Variants in ERC2 observed in about 807,000 individuals in gnomAD.
The protein encoded by ERC2 is ELKS/RAB6-interacting/CAST family member 2.
Under a neutral mutation model 114.8 loss-of-function variants are expected in ERC2, and 42 were observed. That is an observed-to-expected ratio of 0.37 (90% confidence interval 0.29 to 0.47). The LOEUF (loss-of-function observed/expected upper bound fraction) is 0.47. Ranked by LOEUF, ERC2 falls within the 20% of genes least tolerant of loss-of-function variation. The probability of loss-of-function intolerance (pLI) is 0.99; values close to 1 mark genes in which losing one functional copy is unlikely to be tolerated. For synonymous variants in ERC2, 454 were observed against 425.5 expected (o/e 1.07, Z -0.82); for missense variants, 939 against 1,150.7 (o/e 0.82, Z 2.66).
At chr3:55,718,577 C>T (rs1207931919) in intron 15 of ERC2, among the ~76,000 whole-genome samples, 1 of 152,114 alleles carries the variant, frequency 6.6e-6, no homozygotes, top group African/African-American at 2.4e-5. Flanking sequence ...ATGTGGGTGA[C>T]CTGGTAAAGG....
Position 55,510,427 on chromosome 3 carries a change from C to G in ERC2, c.*889G>C, listed in dbSNP as rs1415350489. The G allele has an allele frequency of 6.6e-6, 1 of 152,374 alleles. No homozygotes were observed. The highest frequency in any genetic ancestry group is 1.5e-5 in the Non-Finnish European group (1 of 68,034). The allele number at this position is 152,374 out of a possible 1,614,324, so 9.4% of individuals were successfully genotyped here. On this transcript the variant is annotated 3_prime_UTR_variant, in exon 18 of 18. Coordinates refer to ENST00000288221, the MANE Select transcript of ERC2 (RefSeq NM_015576.3). ...AGTCTGAGGCTTGGTGGCGTCCCCA[C>G]CGTGGGGATGTGCAGAACACAGGGA...
intron 6 of ERC2, among the ~76,000 whole-genome samples, chr3:56,128,099 A>T (rs1316890291): frequency 1.3e-5 from 2 of 150,742 alleles, no homozygotes; most frequent in African/African-American, 2.5e-5. Flanking sequence ...TTTAAATTTT[A>T]AAAAAAAGAT....
chr3:55,703,603 G>T (rs2063339907), intron 15 of ERC2, among the ~76,000 whole-genome samples: 1 of 152,248 alleles, frequency 6.6e-6, no homozygotes, highest in South Asian at 2.1e-4. Flanking sequence ...AATACTATGT[G>T]TGGATTGCCC....
At chr3:56,338,800 C>A (rs1330272921) in intron 2 of ERC2, among the ~76,000 whole-genome samples, 2 of 152,186 alleles carry the variant, frequency 1.3e-5, no homozygotes, top group African/African-American at 4.8e-5. Flanking sequence ...GAGAGAAGCA[C>A]TTTCTCCCTA....
intron 17 of ERC2, among the ~76,000 whole-genome samples, chr3:55,597,565 C>T (rs544245896): frequency 7.9e-5 from 12 of 152,248 alleles, no homozygotes; most frequent in East Asian, 3.9e-4. Context: ...ACCTTAAGTC[C>T]GGTAGTTCTT....
intron 3 of ERC2, among the ~76,000 whole-genome samples, chr3:56,196,206 C>T (rs1575778874): frequency 6.6e-6 from 1 of 152,196 alleles, no homozygotes; most frequent in East Asian, 1.9e-4. Context: ...AGGGGATGGG[C>T]ATGCTTCACC....
chr3:56,196,418 G>C (rs1020861043), intron 3 of ERC2, among the ~76,000 whole-genome samples: 3 of 151,748 alleles, frequency 2.0e-5, no homozygotes, highest in African/African-American at 7.3e-5. Context: ...TCAAGTCCAG[G>C]CAATGGTATC....
intron 15 of ERC2, among the ~76,000 whole-genome samples, chr3:55,713,184 G>GTA (rs1426543405): frequency 4.8e-5 from 7 of 145,154 alleles, no homozygotes; most frequent in Non-Finnish European, 1.0e-4. Context: ...TTAATTCTAA[G>GTA]TATATACTTC....
intron 7 of ERC2, among the ~76,000 whole-genome samples, chr3:56,042,479 C>T (rs1455654261): frequency 6.6e-6 from 1 of 152,148 alleles, no homozygotes; most frequent in African/African-American, 2.4e-5. Flanking sequence ...CTGGATAAGG[C>T]TTGGCTCATA....
chr3:55,613,688 C>T (rs953043241), intron 17 of ERC2, among the ~76,000 whole-genome samples: 2 of 152,032 alleles, frequency 1.3e-5, no homozygotes, highest in Admixed American at 1.3e-4. Flanking sequence ...TAACTCAAGA[C>T]GTGGCTGTGG....
chr3:55,967,294 A>T (rs2068814367), intron 12 of ERC2, among the ~76,000 whole-genome samples: 3 of 152,186 alleles, frequency 2.0e-5, no homozygotes, highest in Non-Finnish European at 2.9e-5. Context: ...AATAAGTCAA[A>T]TTTTTTAAGA....
chr3:56,264,825 CAAAAAA>C (rs34795999), intron 3 of ERC2, among the ~76,000 whole-genome samples: 2 of 140,214 alleles, frequency 1.4e-5, no homozygotes, highest in Non-Finnish European at 3.1e-5. Flanking sequence ...ATGACCTATC[CAAAAAA>C]AAAAAAAATC....
At chr3:55,888,343 G>C (rs996386546) in intron 14 of ERC2, 46 bp downstream of exon 14, 1 of 1,603,912 alleles carries the variant, frequency 6.2e-7, no homozygotes, top group African/African-American at 1.3e-5. Context: ...CCACTCTCAA[G>C]AGAGGCTAGA....
chr3:56,035,092 AT>A (rs2074705852), intron 7 of ERC2, among the ~76,000 whole-genome samples: 1 of 152,078 alleles, frequency 6.6e-6, no homozygotes. Flanking sequence ...CTAATAAAAA[AT>A]GAGAGAAGCC....
At chr3:55,516,276 A>G (rs2052498142) in intron 17 of ERC2, among the ~76,000 whole-genome samples, 2 of 151,930 alleles carry the variant, frequency 1.3e-5, no homozygotes, top group African/African-American at 2.4e-5. Flanking sequence ...AACCAAAACT[A>G]TAACTACATC....
chr3:55,803,683 T>G (rs1221917489), intron 14 of ERC2, among the ~76,000 whole-genome samples: 2 of 152,176 alleles, frequency 1.3e-5, no homozygotes, highest in African/African-American at 4.8e-5. Context: ...TATTTATGTA[T>G]AAAGTTAACA....
At chr3:55,899,191 C>CT (rs1188413309) in intron 13 of ERC2, among the ~76,000 whole-genome samples, 1 of 151,924 alleles carries the variant, frequency 6.6e-6, no homozygotes, top group Non-Finnish European at 1.5e-5. Flanking sequence ...GAACATTTAC[C>CT]TTTTTTGGTC....
chr3:56,428,567 G>GGGGGAGGGAA (rs1553627265), intron 2 of ERC2, among the ~76,000 whole-genome samples: 13 of 125,546 alleles, frequency 1.0e-4, no homozygotes, highest in East Asian at 4.6e-4. Flanking sequence ...GAGGGAGGGA[G>GGGGGAGGGAA]GGAGGGGAGA....
intron 3 of ERC2, among the ~76,000 whole-genome samples, chr3:56,211,946 T>C (rs758488247): frequency 6.6e-6 from 1 of 152,100 alleles, no homozygotes; most frequent in Non-Finnish European, 1.5e-5. Flanking sequence ...TATACAAAAA[T>C]CGACTCAAGA....
Sources: allele counts gnomAD v4.1 joint callset (sites outside exome capture counted in the v4.1 genomes callset), GRCh38; gene constraint gnomAD v4.1.1; transcripts MANE v1.5; gene names NCBI Gene and HGNC (gene_info 2026-07-23, HGNC 2026-07-21).